The following LARS2 variants were observed in gnomAD, a reference collection of about 807,000 sequenced individuals.
LARS2 encodes the protein leucine--tRNA ligase, mitochondrial.
A neutral mutation model predicts 116.6 loss-of-function variants in LARS2; 81 were observed. The ratio of observed to expected loss-of-function variants is 0.69; its 90% CI spans 0.58 to 0.84. The LOEUF is 0.84. Ranked by LOEUF, LARS2 falls within the 40% of genes least tolerant of loss-of-function variation. LARS2 has a pLI of 0.00. For synonymous variants in LARS2, 396 were observed against 407.2 expected (o/e 0.97, Z 0.33); for missense variants, 968 against 1,114.5 (o/e 0.87, Z 1.87).
intron 14 of LARS2, among the ~76,000 whole-genome samples, chr3:45,499,029 C>T (rs939161508): frequency 6.6e-6 from 1 of 152,140 alleles, no homozygotes; most frequent in African/African-American, 2.4e-5. Flanking sequence ...CACAGTGGCT[C>T]ACATGTGTAA....
At chr3:45,419,353 C>T (rs192996101) in intron 5 of LARS2, among the ~76,000 whole-genome samples, 8 of 152,270 alleles carry the variant, frequency 5.3e-5, no homozygotes, top group South Asian at 2.1e-4. Context: ...AGAATATTGA[C>T]GTCTGGACGG....
chr3:45,539,114 G>GT (rs550316530), intron 20 of LARS2, among the ~76,000 whole-genome samples: 2 of 152,126 alleles, frequency 1.3e-5, no homozygotes, highest in Non-Finnish European at 2.9e-5. Context: ...GGTTTGGAAA[G>GT]TTGACCATGT....
chr3:45,412,624 G>C (rs1431903897), intron 4 of LARS2, among the ~76,000 whole-genome samples: 1 of 152,162 alleles, frequency 6.6e-6, no homozygotes, highest in East Asian at 1.9e-4. Context: ...CCTCAGGATG[G>C]GTGTGGATGC....
At chr3:45,532,048 C>T (rs1326287863) in intron 20 of LARS2, among the ~76,000 whole-genome samples, 2 of 152,172 alleles carry the variant, frequency 1.3e-5, no homozygotes, top group Non-Finnish European at 2.9e-5. Context: ...CTATGATCAG[C>T]AAATAAGGAT....
chr3:45,487,585 A>AG (rs1349624041), intron 11 of LARS2, among the ~76,000 whole-genome samples: 2 of 152,178 alleles, frequency 1.3e-5, no homozygotes, highest in Admixed American at 1.3e-4. Flanking sequence ...GTTCTCAACC[A>AG]GGGGAGATTT....
chr3:45,476,382 G>C (rs947831631), intron 9 of LARS2, 86 bp from the exon 10 acceptor site: 1 of 1,383,390 alleles, frequency 7.2e-7, no homozygotes, highest in African/African-American at 1.4e-5. Context: ...GGAATGAGGA[G>C]GGAAGGGGAA....
At chr3:45,516,008 C>A in intron 16 of LARS2, 86 bp from the exon 17 acceptor site, 2 of 1,025,922 alleles carry the variant, frequency 1.9e-6, no homozygotes, top group Non-Finnish European at 2.9e-6. Flanking sequence ...TTCCATCGCT[C>A]ACCCAGTTTT....
At chr3:45,401,285 T>G (rs532757950) in intron 4 of LARS2, among the ~76,000 whole-genome samples, 27 of 152,148 alleles carry the variant, frequency 1.8e-4, no homozygotes, top group African/African-American at 6.3e-4. Context: ...GAGGATTACT[T>G]GAGCCCAGGA....
In LARS2 at chr3:45,503,789, G is replaced by T. The variant is rs115218155; in HGVS notation, c.1760+3210G>T. Among the ~76,000 whole-genome samples, 787 of 151,878 alleles carry T rather than the reference G, an allele frequency of 5.2e-3. 4 individuals are homozygous for T. The highest frequency in any genetic ancestry group is 0.017 in the African/African-American group (716 of 41,432). On this transcript the variant is annotated intron_variant, in intron 15 of 21. Coordinates refer to ENST00000645846, the MANE Select transcript of LARS2 (RefSeq NM_015340.4). ...AAATATCTGATTATTTCCCTATCCAGATAACCCATGTTGACAATTTAAAAA... is the reference window on the plus strand; with the variant it reads ...AAATATCTGATTATTTCCCTATCCATATAACCCATGTTGACAATTTAAAAA...
chr3:45,411,349 G>GAGCA (rs1487355447), intron 4 of LARS2, among the ~76,000 whole-genome samples: 1 of 152,182 alleles, frequency 6.6e-6, no homozygotes, highest in African/African-American at 2.4e-5. Context: ...ATGCACCCGA[G>GAGCA]GTTGATCAAA....
chr3:45,465,183 A>T (rs1207324107), intron 8 of LARS2, among the ~76,000 whole-genome samples: 2 of 151,676 alleles, frequency 1.3e-5, no homozygotes, highest in African/African-American at 4.8e-5. Context: ...TCTGGTTTTG[A>T]CTCCCTGTCT....
chr3:45,431,217 C>T (rs549352684), intron 6 of LARS2, among the ~76,000 whole-genome samples: 1 of 152,288 alleles, frequency 6.6e-6, no homozygotes, highest in South Asian at 2.1e-4. Flanking sequence ...GTTTCCCAAC[C>T]TTCAGAACTG....
At position 45,496,291 on chromosome 3, in the gene LARS2, A is replaced by G. The variant is rs1378801465; in HGVS notation, c.1540A>G (p.Lys514Glu). The change falls in exon 14 of 22, where the codon AAG becomes GAG. Residue 514 changes from lysine (K) to glutamate (E), a missense_variant. Transcript: ENST00000645846. ...CTTTCTTAGGTGCAAGGGAGCAGCC[A>G]AGAGAGAGACAGACACGATGGATAC... Reference protein sequence around the residue: ...CSCPRCKGAAKRETDTMDTFV... With the variant: ...CSCPRCKGAAERETDTMDTFV... 4 of 1,613,732 alleles carry G rather than the reference A, an allele frequency of 2.5e-6. No homozygotes were observed. The highest frequency in any genetic ancestry group is 2.7e-5 in the African/African-American group (2 of 74,926).
rs773230403 is a variant in LARS2 at position 45,516,209 on chromosome 3, C to T, written c.1977C>T (p.Ile659=). 1.1e-5 allele frequency: 17 copies of T among 1,614,014 alleles called. No individual in the cohort carries two copies. The African/African-American group carries it at 1.1e-4, about 10-fold the overall frequency. ...AGGAAGTTGTGGAGCAGTATGGGAT[C>T]GACACGATTCGGCTCTACATCCTTT... ...DPEEVVEQYG[I]DTIRLYILFA... The change falls in exon 17 of 22, where the codon ATC becomes ATT. Residue 659 remains isoleucine, a synonymous_variant. Coordinates refer to ENST00000645846, the MANE Select transcript of LARS2 (RefSeq NM_015340.4).
chr3:45,514,077 G>A (rs1045317139), intron 16 of LARS2, among the ~76,000 whole-genome samples: 6 of 152,088 alleles, frequency 3.9e-5, no homozygotes, highest in African/African-American at 7.2e-5. Context: ...GTGGAGGCAT[G>A]CACCTGTAAT....
intron 6 of LARS2, among the ~76,000 whole-genome samples, chr3:45,425,024 T>C (rs766058872): frequency 6.6e-6 from 1 of 152,206 alleles, no homozygotes; most frequent in Non-Finnish European, 1.5e-5. Context: ...TTTGTATTTT[T>C]AGATTTATTA....
chr3:45,541,578 C>T (rs548333989), intron 20 of LARS2: 3 of 461,656 alleles, frequency 6.5e-6, no homozygotes, highest in Non-Finnish European at 1.2e-5. Context: ...TTTCCAAATG[C>T]ACACTTTAGA....
intron 14 of LARS2, among the ~76,000 whole-genome samples, chr3:45,498,351 C>A (rs943052674): frequency 3.3e-5 from 5 of 152,218 alleles, no homozygotes; most frequent in African/African-American, 9.6e-5. Flanking sequence ...TAGCTACTTT[C>A]AACATTTCAC....
chr3:45,420,355 AGT>A (rs1698495425), intron 6 of LARS2, among the ~76,000 whole-genome samples: 1 of 152,216 alleles, frequency 6.6e-6, no homozygotes, highest in South Asian at 2.1e-4. Flanking sequence ...TTTGAAGAAT[AGT>A]CTGTTAGGTA....
Sources: gnomAD v4.1 joint callset for allele counts (sites outside exome capture counted in the v4.1 genomes callset) on GRCh38, gnomAD v4.1.1 for gene constraint, MANE v1.5 for transcripts, NCBI Gene and HGNC (gene_info 2026-07-23, HGNC 2026-07-21) for gene names.